The following ASAP3 variants were observed in gnomAD, a reference collection of about 807,000 sequenced individuals.
The protein encoded by ASAP3 is arf-GAP with SH3 domain, ANK repeat and PH domain-containing protein 3.
Under a neutral mutation model 118.2 loss-of-function variants are expected in ASAP3, and 85 were observed. The ratio of observed to expected loss-of-function variants is 0.72; its 90% CI spans 0.60 to 0.86. The LOEUF (loss-of-function observed/expected upper bound fraction) is 0.86, where lower values mean the gene tolerates loss of function less well. ASAP3 is among the 40% of genes least tolerant of loss of function. The pLI is 0.00. For synonymous variants in ASAP3, 432 were observed against 477.4 expected (o/e 0.90, Z 1.24); for missense variants, 1,026 against 1,175.0 (o/e 0.87, Z 1.85).
chr1:23,461,973 C>G (rs1056075394), intron 1 of ASAP3, among the ~76,000 whole-genome samples: 1 of 151,894 alleles, frequency 6.6e-6, no homozygotes, highest in Non-Finnish European at 1.5e-5. Flanking sequence ...GAAACTAGCT[C>G]TAACTGGTAA....
chr1:23,436,757 T>C lies in ASAP3; in HGVS notation c.1477-103A>G. 2 of 1,401,608 alleles carry C rather than the reference T, an allele frequency of 1.4e-6. No homozygotes were observed. The highest frequency in any genetic ancestry group is 2.4e-5 in the South Asian group (2 of 82,014). The allele number at this position is 1,401,608 out of a possible 1,614,324, so 86.8% of individuals were successfully genotyped here. A position where few individuals can be genotyped will look rare whatever the true frequency, so the allele number is the denominator to read the frequency against. ...CCAGAGTCCCGCCCCTCGGCCGCCC[T>C]CCCGGTTCAGGCCCCGCCCCTGACC... On this transcript the variant is annotated intron_variant, in intron 15 of 24. Transcript: ENST00000336689. The surrounding 1 kb of genome is among the most constrained non-coding windows in gnomAD (Gnocchi z 4.2).
intron 1 of ASAP3, among the ~76,000 whole-genome samples, chr1:23,465,681 T>C (rs898369092): frequency 2.0e-5 from 3 of 152,034 alleles, no homozygotes; most frequent in Non-Finnish European, 4.4e-5. Flanking sequence ...TTTGTATTTT[T>C]AGTAGAGACA....
intron 1 of ASAP3, among the ~76,000 whole-genome samples, chr1:23,468,587 G>A (rs889139426): frequency 4.6e-5 from 7 of 152,004 alleles, no homozygotes; most frequent in African/African-American, 9.7e-5. Context: ...AAAATACAAC[G>A]TTTGGCAGGG....
chr1:23,466,945 G>A (rs376404426), intron 1 of ASAP3, among the ~76,000 whole-genome samples: 46 of 152,104 alleles, frequency 3.0e-4, no homozygotes, highest in Non-Finnish European at 4.6e-4. Flanking sequence ...TCAGTTCACC[G>A]CAACCTCCGC....
chr1:23,481,243 G>A (rs2148667792), intron 1 of ASAP3, among the ~76,000 whole-genome samples: 1 of 152,222 alleles, frequency 6.6e-6, no homozygotes, highest in Admixed American at 6.5e-5. Flanking sequence ...TTCCCAGCAG[G>A]ACTGTACAAA....
intron 5 of ASAP3, among the ~76,000 whole-genome samples, chr1:23,443,764 T>C (rs893908884): frequency 6.6e-6 from 1 of 151,632 alleles, no homozygotes; most frequent in Non-Finnish European, 1.5e-5. Context: ...TGGTACGATC[T>C]TGGCTCACTG....
intron 19 of ASAP3, among the ~76,000 whole-genome samples, chr1:23,433,925 C>T (rs1260633943): frequency 6.6e-6 from 1 of 152,214 alleles, no homozygotes; most frequent in Non-Finnish European, 1.5e-5. Context: ...AATTAATTAA[C>T]ATACAAAAAG....
intron 1 of ASAP3, among the ~76,000 whole-genome samples, chr1:23,480,692 G>A (rs1269625807): frequency 6.6e-6 from 1 of 152,196 alleles, no homozygotes; most frequent in Non-Finnish European, 1.5e-5. Context: ...AGATGGCACA[G>A]AGAGCTGGAC....
chr1:23,476,014 T>C (rs1326128402), intron 1 of ASAP3, among the ~76,000 whole-genome samples: 2 of 151,726 alleles, frequency 1.3e-5, no homozygotes, highest in Non-Finnish European at 2.9e-5. Flanking sequence ...CCTGTTCCCC[T>C]GCCAGATTTC....
chr1:23,439,285 G>A, intron 10 of ASAP3, 55 bp from the exon 11 acceptor site: 3 of 1,566,980 alleles, frequency 1.9e-6, no homozygotes, highest in Admixed American at 1.7e-5. Context: ...CTAGTTCGCA[G>A]GTGTCAGAGA....
chr1:23,460,756 G>A (rs1641561521), intron 1 of ASAP3, among the ~76,000 whole-genome samples: 1 of 152,112 alleles, frequency 6.6e-6, no homozygotes, highest in Admixed American at 6.5e-5. Context: ...ATACATACCT[G>A]CACACGGATG....
At chr1:23,452,947 A>T (rs1056446263) in intron 3 of ASAP3, among the ~76,000 whole-genome samples, 176 bp from the exon 4 acceptor site, 11 of 151,628 alleles carry the variant, frequency 7.3e-5, no homozygotes, top group Non-Finnish European at 1.5e-4. Context: ...TCATGGCAGG[A>T]GTGCTGAGCC....
In ASAP3 at chr1:23,438,691, G is replaced by A; in HGVS notation, c.1102+56C>T. The A allele has an allele frequency of 6.5e-7, 1 of 1,547,706 alleles. No homozygotes were observed. ...TGAAGCCCCCCGGGAGCTGACAGGTGTCTTAGAGAAGCCCTGAGCAGCTGT... is the reference window on the plus strand; with the variant it reads ...TGAAGCCCCCCGGGAGCTGACAGGTATCTTAGAGAAGCCCTGAGCAGCTGT... On this transcript the variant is annotated intron_variant, in intron 12 of 24. Transcript: ENST00000336689. The surrounding 1 kb of genome is among the most constrained non-coding windows in gnomAD (Gnocchi z 4.9).
intron 5 of ASAP3, 163 bp from the exon 6 acceptor site, chr1:23,442,775 A>G (rs146380389): frequency 1.8e-6 from 2 of 1,086,562 alleles, no homozygotes; most frequent in Non-Finnish European, 2.6e-6. Context: ...GGGAATCCAC[A>G]GAGTGGTGGG....
chr1:23,452,697 C>T lies in ASAP3; in HGVS notation c.423G>A (p.Gln141=), dbSNP rs144157639. Residue 141 remains glutamine, a splice_region_variant and synonymous_variant, in exon 4 of 25, where the codon CAG becomes CAA. Transcript: ENST00000336689. ...LMKGQLRDGR[Q]DSKKQLEKAW... The stretch of plus-strand genomic sequence containing the variant: ...CACCACTCCCAGCATGGAGACTCAC[C>T]TGTCGACCGTCCCTCAGCTGCCCCT... 2,787 of 1,613,796 alleles carry T rather than the reference C, an allele frequency of 1.7e-3. 4 individuals carry two copies. Among genetic ancestry groups the T allele is most frequent in the Non-Finnish European group, 2.1e-3 (2,454 of 1,179,858 alleles).
Position 23,434,295 on chromosome 1 carries a change from C to G in ASAP3, c.1910G>C (p.Cys637Ser), listed in dbSNP as rs1640551840. 4 of 1,614,186 alleles carry G rather than the reference C, an allele frequency of 2.5e-6. No individual in the cohort carries two copies. In the East Asian group the frequency reaches 8.9e-5, roughly 36 times the overall value. The stretch of plus-strand genomic sequence containing the variant: ...TCTCCCCTTCAGCAGCAGCTTGAGG[C>G]AGTCGGGCTGGTTGTAGAGTGCTGC... ...HYAALYNQPD[C>S]LKLLLKGRAL... The change falls in exon 19 of 25, where the codon TGC becomes TCC. Residue 637 changes from cysteine (C) to serine (S), a missense_variant. Coordinates refer to ENST00000336689, the MANE Select transcript of ASAP3 (RefSeq NM_017707.4).
chr1:23,457,706 T>C (rs1466230905), intron 1 of ASAP3, among the ~76,000 whole-genome samples: 1 of 152,056 alleles, frequency 6.6e-6, no homozygotes, highest in Non-Finnish European at 1.5e-5. Flanking sequence ...AGAGACGGGG[T>C]TTCATTGTGT....
rs66675239 is a variant in ASAP3 at position 23,454,185 on chromosome 1, A to AT, written c.349-1415dup. Among the ~76,000 whole-genome samples, 889 of 100,076 alleles carry AT rather than the reference A, an allele frequency of 8.9e-3. 18 individuals are homozygous for AT. The highest frequency in any genetic ancestry group is 0.029 in the African/African-American group (816 of 27,850). The allele number at this position is 100,076 out of a possible 152,430, so 65.7% of individuals were successfully genotyped here. On this transcript the variant is annotated intron_variant, in intron 3 of 24. Coordinates refer to ENST00000336689, the MANE Select transcript of ASAP3 (RefSeq NM_017707.4). The stretch of plus-strand genomic sequence containing the variant: ...ACAGGCATACGCCCCCACACCTGGC[A>AT]TTTTTTTTTTTTTTTTTTTGAGATG...
chr1:23,467,173 CATTATT>C lies in ASAP3; in HGVS notation c.130-10985_130-10980del, dbSNP rs60663868. Among the ~76,000 whole-genome samples the C allele has an allele frequency of 6.2e-4, 92 of 148,332 alleles. 1 individual carries two copies. Among genetic ancestry groups the C allele is most frequent in the East Asian group, 7.8e-4 (4 of 5,118 alleles). On this transcript the variant is annotated intron_variant, in intron 1 of 24. Coordinates refer to ENST00000336689, the MANE Select transcript of ASAP3 (RefSeq NM_017707.4). ...GCCACCTCACCCGGCCCATTACAGCCATTATTATTATTATTATTATTATTATTATTA... is the reference window on the plus strand; with the variant it reads ...GCCACCTCACCCGGCCCATTACAGCCATTATTATTATTATTATTATTATTA...
Sources: allele counts gnomAD v4.1 joint callset (sites outside exome capture counted in the v4.1 genomes callset), GRCh38; gene constraint gnomAD v4.1.1; non-coding constraint Gnocchi (gnomAD v3.1); transcripts MANE v1.5; gene names NCBI Gene and HGNC (gene_info 2026-07-23, HGNC 2026-07-21).